Variants in ANO6 observed in about 807,000 individuals in gnomAD.
ANO6 encodes anoctamin 6.
Under a neutral mutation model 117.5 loss-of-function variants are expected in ANO6, and 106 were observed. That is an observed-to-expected ratio of 0.90 (90% CI 0.77 to 1.06). The LOEUF (loss-of-function observed/expected upper bound fraction) is 1.06. Among genes scored for constraint, ANO6 ranks in the 50% least tolerant of loss-of-function variants. The probability of loss-of-function intolerance (pLI) is 0.00; values close to 1 mark genes in which losing one functional copy is unlikely to be tolerated. For synonymous variants in ANO6, 367 were observed against 385.1 expected, an observed-to-expected ratio of 0.95 and a Z score of 0.55; for missense variants, 955 against 1,121.1, an observed-to-expected ratio of 0.85 and a Z score of 2.12.
chr12:45,416,962 C>T (rs1300788810), intron 17 of ANO6, 58 bp downstream of exon 17: 1 of 1,541,198 alleles, frequency 6.5e-7, no homozygotes, highest in African/African-American at 1.4e-5. Context: ...GATTTGCTAC[C>T]TAAGGAATCA....
intron 15 of ANO6, among the ~76,000 whole-genome samples, chr12:45,405,249 C>T (rs1942901460): frequency 6.6e-6 from 1 of 152,058 alleles, no homozygotes; most frequent in African/African-American, 2.4e-5. Flanking sequence ...AGTCTTAATC[C>T]ATTCTGAGAT....
intron 13 of ANO6, 74 bp downstream of exon 13, chr12:45,402,094 T>C: frequency 7.5e-7 from 1 of 1,326,184 alleles, no homozygotes; most frequent in South Asian, 1.2e-5. Context: ...CTGTTATCTT[T>C]TAGGCGTTTC....
chr12:45,256,490 A>T (rs934154495), intron 1 of ANO6: 1 of 152,080 alleles, frequency 6.6e-6, no homozygotes, highest in Non-Finnish European at 1.5e-5. Flanking sequence ...ATAGATCAGG[A>T]CAAGCAAATT....
At chr12:45,285,774 T>C (rs962181906) in intron 1 of ANO6, among the ~76,000 whole-genome samples, 2 of 151,046 alleles carry the variant, frequency 1.3e-5, no homozygotes, top group Non-Finnish European at 1.5e-5. Context: ...CAAGTAATTG[T>C]GTGGAGCACC....
rs202042119 is a variant in ANO6, at chr12:45,216,376, G to T, written c.55G>T (p.Asp19Tyr). 1 of 1,612,710 alleles carries T rather than the reference G, an allele frequency of 6.2e-7. No individual in the cohort carries two copies. Among genetic ancestry groups the T allele is most frequent in the Non-Finnish European group, 8.5e-7 (1 of 1,179,376 alleles). Residue 19 changes from aspartate to tyrosine, a missense_variant, in exon 1 of 20, where the codon GAC becomes TAC. Coordinates refer to ENST00000320560, the MANE Select transcript of ANO6 (RefSeq NM_001025356.3). ...ACAAATGGAGGAGGAGGAGGACGAC[G>T]ACGATGGGGATATCGGTGAGCGAGG... The part of the protein sequence containing the change: ...LLQMEEEEDD[D>Y]DGDIVLENLG...
intron 1 of ANO6, among the ~76,000 whole-genome samples, chr12:45,275,606 C>A (rs1017297872): frequency 4.6e-5 from 7 of 152,194 alleles, no homozygotes; most frequent in Non-Finnish European, 8.8e-5. Flanking sequence ...CGTATGGTGT[C>A]TTTTCCCATC....
chr12:45,406,083 T>C (rs1942927876), intron 15 of ANO6, among the ~76,000 whole-genome samples: 1 of 152,144 alleles, frequency 6.6e-6, no homozygotes, highest in East Asian at 1.9e-4. Flanking sequence ...CCTTCCTTCC[T>C]CTCCCGCCTT....
intron 18 of ANO6, 148 bp downstream of exon 18, chr12:45,421,421 C>A: frequency 1.2e-6 from 1 of 817,194 alleles, no homozygotes; most frequent in Non-Finnish European, 2.0e-6. Flanking sequence ...TTAAATCAAG[C>A]TGCTAGAGAC....
intron 8 of ANO6, among the ~76,000 whole-genome samples, chr12:45,363,228 T>G (rs1262467812): frequency 6.7e-6 from 1 of 150,102 alleles, no homozygotes; most frequent in Non-Finnish European, 1.5e-5. Context: ...TTGAAAAGTT[T>G]TAGATTTTGG....
intron 1 of ANO6, among the ~76,000 whole-genome samples, chr12:45,244,400 A>AT (rs1240527163): frequency 6.3e-5 from 5 of 79,120 alleles, no homozygotes; most frequent in Admixed American, 5.4e-4. Flanking sequence ...GGGCTTCTCT[A>AT]TTTGGGGGGG....
chr12:45,223,599 A>G (rs1947438363), intron 1 of ANO6, among the ~76,000 whole-genome samples: 1 of 152,152 alleles, frequency 6.6e-6, no homozygotes, highest in Non-Finnish European at 1.5e-5. Flanking sequence ...CTATGCAGTT[A>G]GCATTCATCC....
chr12:45,436,009 C>T (rs1030880002), downstream of ANO6, among the ~76,000 whole-genome samples: 1 of 152,194 alleles, frequency 6.6e-6, no homozygotes, highest in Admixed American at 6.5e-5. Flanking sequence ...AGGAAGCCAG[C>T]CTACTATAAG....
At chr12:45,403,622 TA>T (rs1942857682) in intron 15 of ANO6, 86 bp downstream of exon 15, 1 of 1,033,542 alleles carries the variant, frequency 9.7e-7, no homozygotes, top group East Asian at 3.0e-5. Flanking sequence ...CATAGCCACA[TA>T]GCCACATAGC....
chr12:45,316,154 TTAA>T (rs1940017814), intron 2 of ANO6, among the ~76,000 whole-genome samples: 2 of 152,142 alleles, frequency 1.3e-5, no homozygotes, highest in African/African-American at 4.8e-5. Flanking sequence ...GTTAATTTAT[TTAA>T]TAATATTTGT....
chr12:45,376,013 AAAAC>A (rs1437373444), intron 9 of ANO6, among the ~76,000 whole-genome samples: 8 of 150,162 alleles, frequency 5.3e-5, no homozygotes, highest in East Asian at 2.0e-4. Context: ...TTACAAGAAA[AAAAC>A]AACCCCATCA....
downstream of ANO6, among the ~76,000 whole-genome samples, chr12:45,435,840 AG>A (rs1459680394): frequency 6.6e-6 from 1 of 152,230 alleles, no homozygotes; most frequent in Non-Finnish European, 1.5e-5. Context: ...CCTTGATTCA[AG>A]TCCTGGATCT....
chr12:45,275,141 A>G (rs1194413749), intron 1 of ANO6, among the ~76,000 whole-genome samples: 5 of 152,000 alleles, frequency 3.3e-5, no homozygotes, highest in Admixed American at 6.6e-5. Flanking sequence ...TAAAGAATCA[A>G]ACACCTTTCT....
intron 2 of ANO6, among the ~76,000 whole-genome samples, chr12:45,319,415 C>T (rs538771019): frequency 2.0e-5 from 3 of 152,098 alleles, no homozygotes; most frequent in African/African-American, 7.2e-5. Flanking sequence ...TGCTGGATTA[C>T]GTTTATTGAT....
At chr12:45,257,514 G>A (rs1937878814) in intron 1 of ANO6, among the ~76,000 whole-genome samples, 1 of 152,108 alleles carries the variant, frequency 6.6e-6, no homozygotes, top group Non-Finnish European at 1.5e-5. Context: ...CTCTGTGAAT[G>A]GCATCCCCAT....
Sources: allele counts gnomAD v4.1 joint callset (sites outside exome capture counted in the v4.1 genomes callset), GRCh38; gene constraint gnomAD v4.1.1; transcripts MANE v1.5; gene names NCBI Gene and HGNC (gene_info 2026-07-23, HGNC 2026-07-21).